The following LILRB1 variants were observed in gnomAD, a reference collection of about 807,000 sequenced individuals.
The protein encoded by LILRB1 is leukocyte immunoglobulin like receptor B1, also known as leukocyte immunoglobulin-like receptor subfamily B member 1.
LILRB1 carries 59 observed loss-of-function variants against 74.6 expected under a neutral mutation model. The ratio of observed to expected loss-of-function variants is 0.79; its 90% CI spans 0.64 to 0.98. The LOEUF is 0.98. Ranked by LOEUF, LILRB1 falls within the 50% of genes least tolerant of loss-of-function variation. LILRB1 has a pLI of 0.00. For synonymous variants in LILRB1, 328 were observed against 333.9 expected, an observed-to-expected ratio of 0.98 and a Z score of 0.19; for missense variants, 804 against 822.6, an observed-to-expected ratio of 0.98 and a Z score of 0.28.
Position 54,633,092 on chromosome 19 carries a change from G to T in LILRB1, c.1035G>T (p.Leu345=). 1.2e-6 allele frequency: 2 copies of T among 1,614,272 alleles called. No homozygotes were observed. The highest frequency in any genetic ancestry group is 1.7e-6 in the Non-Finnish European group (2 of 1,180,034). Residue 345 remains leucine, a synonymous_variant, in exon 7 of 15, where the codon CTG becomes CTT. Coordinates refer to ENST00000324602, the MANE Select transcript of LILRB1 (RefSeq NM_001081637.3). The stretch of plus-strand genomic sequence containing the variant: ...CCTCAGGAGAGAACGTGACCCTGCT[G>T]TGTCAGTCACAGGGATGGATGCAAA... ...TVASGENVTL[L]CQSQGWMQTF...
At chr19:54,633,764 A>G in intron 8 of LILRB1, 76 bp downstream of exon 8, 1 of 1,523,250 alleles carries the variant, frequency 6.6e-7, no homozygotes, top group Non-Finnish European at 8.9e-7. Context: ...AGAGAATCCC[A>G]TTCCCCTCAA....
At chr19:54,620,658 C>A (rs1422432838) in intron 1 of LILRB1, among the ~76,000 whole-genome samples, 1 of 152,118 alleles carries the variant, frequency 6.6e-6, no homozygotes, top group Non-Finnish European at 1.5e-5. Context: ...AGGGGACTAG[C>A]CAACTCTCCC....
chr19:54,622,923 G>T (rs1426810438), intron 1 of LILRB1, among the ~76,000 whole-genome samples: 2 of 152,166 alleles, frequency 1.3e-5, no homozygotes, highest in African/African-American at 4.8e-5. Flanking sequence ...CTATTGAGAT[G>T]ACCATATGCT....
At chr19:54,619,122 G>T (rs1210921988) in intron 1 of LILRB1, among the ~76,000 whole-genome samples, 1 of 151,880 alleles carries the variant, frequency 6.6e-6, no homozygotes. Context: ...AATGGAAACA[G>T]GAAATAAGAG....
chr19:54,619,954 G>GTTT (rs547546954), intron 1 of LILRB1, among the ~76,000 whole-genome samples: 3 of 144,868 alleles, frequency 2.1e-5, no homozygotes, highest in Non-Finnish European at 3.0e-5. Context: ...GTTAAACCTC[G>GTTT]TTTTTTTTTT....
chr19:54,636,025 G>T (rs183953669), intron 13 of LILRB1: 1 of 545,062 alleles, frequency 1.8e-6, no homozygotes. Context: ...AGCTCACCTC[G>T]TGGTGGGAGA....
chr19:54,632,298 G>T, intron 5 of LILRB1, 61 bp downstream of exon 5: 1 of 1,574,654 alleles, frequency 6.4e-7, no homozygotes, highest in Non-Finnish European at 8.6e-7. Flanking sequence ...GGGAGCAGCC[G>T]CGTCTCAGGG....
At position 54,631,631 on chromosome 19, in the gene LILRB1, C is replaced by G. The variant is rs377752824; in HGVS notation, c.202C>G (p.Pro68Ala). 1 of 1,614,170 alleles carries G rather than the reference C, an allele frequency of 6.2e-7. No individual in the cohort carries two copies. The highest frequency in any genetic ancestry group is 1.3e-5 in the African/African-American group (1 of 74,962). Residue 68 changes from proline (P) to alanine (A), a missense_variant, in exon 4 of 15, where the codon CCC (proline) becomes GCC (alanine). Coordinates refer to ENST00000324602, the MANE Select transcript of LILRB1 (RefSeq NM_001081637.3). ...YRLYREKKTAPWITRIPQELV... is the reference protein window; with the variant it reads ...YRLYREKKTAAWITRIPQELV... Reference sequence around the variant, plus strand: ...TCTATATAGAGAAAAGAAAACAGCACCCTGGATTACACGGATCCCACAGGA... The same window carrying G: ...TCTATATAGAGAAAAGAAAACAGCAGCCTGGATTACACGGATCCCACAGGA...
intron 1 of LILRB1, among the ~76,000 whole-genome samples, chr19:54,618,188 T>C (rs2063363922): frequency 6.6e-6 from 1 of 151,616 alleles, no homozygotes; most frequent in African/African-American, 2.4e-5. Flanking sequence ...TTTGAATCTA[T>C]AAGATGTACT....
upstream of LILRB1, among the ~76,000 whole-genome samples, chr19:54,626,768 T>C (rs2030838070): frequency 6.6e-6 from 1 of 152,220 alleles, no homozygotes; most frequent in Non-Finnish European, 1.5e-5. Context: ...TGATCTTCCA[T>C]ACAGTTTCTC....
rs191444656 is a variant in LILRB1, at chr19:54,630,881, C to T, written c.-48-145C>T. 58 of 1,131,650 alleles carry T rather than the reference C, an allele frequency of 5.1e-5. No individual in the cohort carries two copies. In the Middle Eastern group the frequency reaches 1.6e-3, roughly 31 times the overall value. The allele number at this position is 1,131,650 out of a possible 1,614,324, so 70.1% of individuals were successfully genotyped here. A position where few individuals can be genotyped will look rare whatever the true frequency, so the allele number is the denominator to read the frequency against. On this transcript the variant is annotated intron_variant, in intron 1 of 14. Coordinates refer to ENST00000324602, the MANE Select transcript of LILRB1 (RefSeq NM_001081637.3). ...ATGATGCAGAGGGCCTAGTGACTGC[C>T]CCCACCTCAGCCCTAATGGAATGAG...
chr19:54,621,763 G>A (rs1054004661), intron 1 of LILRB1, among the ~76,000 whole-genome samples: 47 of 152,068 alleles, frequency 3.1e-4, no homozygotes, highest in Non-Finnish European at 1.3e-4. Flanking sequence ...TCTTTGCCTG[G>A]ACTAATGTCC....
rs758602351 is a variant in LILRB1, at chr19:54,631,046, A to G, written c.-28A>G. ...GCCAGCACCGAGGGCTCATCCATCC[A>G]CAGAGCAGGGCAGTGGGAGGAGACG... On this transcript the variant is annotated 5_prime_UTR_variant, in exon 2 of 15. Transcript: ENST00000324602. 10 of 1,614,088 alleles carry G rather than the reference A, an allele frequency of 6.2e-6. No individual in the cohort carries two copies. Among genetic ancestry groups the G allele is most frequent in the East Asian group, 2.2e-5 (1 of 44,864 alleles).
At chr19:54,628,945 C>T (rs2063674873), upstream of LILRB1, among the ~76,000 whole-genome samples, 1 of 152,186 alleles carries the variant, frequency 6.6e-6, no homozygotes, top group Non-Finnish European at 1.5e-5. Context: ...GAGCTATGAG[C>T]CAGGAACCGC....
At chr19:54,632,356 G>A (rs2063951058) in intron 5 of LILRB1, 108 bp from the exon 6 acceptor site, 1 of 1,546,726 alleles carries the variant, frequency 6.5e-7, no homozygotes, top group African/African-American at 1.4e-5. Context: ...AGGGCTCCTG[G>A]GGCCAGAGAC....
rs1599877769 is a variant in LILRB1, at chr19:54,637,038, C to T, written c.*160C>T. On this transcript the variant is annotated 3_prime_UTR_variant, in exon 15 of 15. Transcript: ENST00000324602. ...ATTCTGCAGTATAAATAACTAATGT[C>T]TCTACAATTTTGAAATAAAGCAACA... 1.3e-6 allele frequency: 1 copy of T among 775,152 alleles called. No individual in the cohort carries two copies. Among genetic ancestry groups the T allele is most frequent in the East Asian group, 2.7e-5 (1 of 36,972 alleles). 48.0% of individuals were successfully genotyped at this position (775,152 alleles called of 1,614,324 possible).
rs761087323 is a variant in LILRB1, at chr19:54,631,289, G to A, written c.53G>A (p.Arg18Gln). The change falls in exon 3 of 15, where the codon CGG becomes CAG. Residue 18 changes from arginine to glutamine, a missense_variant. Arg to Gln is a conservative substitution (Grantham distance 43). Transcript: ENST00000324602. ...CTTCCAGGGCTGAGTCTGGGCCCCC[G>A]GACCCACGTGCAGGCAGGTGAGTCT... ...LICLGLSLGP[R>Q]THVQAGHLPK... 18 of 1,613,308 alleles carry A rather than the reference G, an allele frequency of 1.1e-5. No homozygotes were observed. Among genetic ancestry groups the A allele is most frequent in the African/African-American group, 8.0e-5 (6 of 74,904 alleles).
intron 13 of LILRB1, chr19:54,635,836 G>T (rs564884574): frequency 1.4e-6 from 1 of 701,694 alleles, no homozygotes; most frequent in South Asian, 1.5e-5. Flanking sequence ...CTGTTTGGCC[G>T]TCTGGTTGTT....
Position 54,624,110 on chromosome 19 carries a change from G to C in LILRB1, c.-165-6407G>C, listed in dbSNP as rs2555692. Among the ~76,000 whole-genome samples, 1,500 of 152,020 alleles carry C rather than the reference G, an allele frequency of 9.9e-3. 29 individuals carry two copies. The highest frequency in any genetic ancestry group is 0.034 in the African/African-American group (1,414 of 41,378). On this transcript the variant is annotated intron_variant, in intron 1 of 15. Transcript: ENST00000396331. ...TGGAGTGTCAGGTGCCCTGAGCTTT[G>C]TGTTCCACAGGGGCGAGGGAACACC...
Sources: allele counts gnomAD v4.1 joint callset (sites outside exome capture counted in the v4.1 genomes callset), GRCh38; gene constraint gnomAD v4.1.1; transcripts MANE v1.5; gene names NCBI Gene and HGNC (gene_info 2026-07-23, HGNC 2026-07-21).